The following EPHA6 variants were observed in gnomAD, a reference collection of about 807,000 sequenced individuals.
EPHA6 encodes the protein ephrin type-A receptor 6.
Under a neutral mutation model 112.0 loss-of-function variants are expected in EPHA6, and 50 were observed. The observed-to-expected ratio is 0.45, with a 90% CI of 0.36 to 0.56. The LOEUF is 0.56. Ranked by LOEUF, EPHA6 falls within the 20% of genes least tolerant of loss-of-function variation. The pLI is 0.00. For missense variants in EPHA6, 1,280 were observed against 1,417.4 expected, an observed-to-expected ratio of 0.90 and a Z score of 1.56; for synonymous variants, 529 against 490.7, an observed-to-expected ratio of 1.08 and a Z score of -1.03.
At chr3:97,558,066 G>A (rs542780734) in intron 11 of EPHA6, among the ~76,000 whole-genome samples, 17 of 151,936 alleles carry the variant, frequency 1.1e-4, no homozygotes, top group African/African-American at 3.9e-4. Context: ...AAGTAGATCC[G>A]GCAATCAATA....
chr3:97,048,524 G>A (rs2045585352), intron 3 of EPHA6, among the ~76,000 whole-genome samples: 1 of 152,164 alleles, frequency 6.6e-6, no homozygotes, highest in African/African-American at 2.4e-5. Flanking sequence ...GCAGGAGAAT[G>A]TATGATGTAT....
At chr3:97,076,640 A>T (rs1166256066) in intron 3 of EPHA6, among the ~76,000 whole-genome samples, 1 of 152,202 alleles carries the variant, frequency 6.6e-6, no homozygotes, top group African/African-American at 2.4e-5. Flanking sequence ...GCAGCATTGT[A>T]TTGGAAGAGG....
At chr3:97,012,609 A>G (rs12492002) in intron 3 of EPHA6, among the ~76,000 whole-genome samples, 14,985 of 127,668 alleles carry the variant, frequency 0.12, 939 homozygotes, top group Middle Eastern at 0.24. Flanking sequence ...GTGTGTGTGT[A>G]TATATATATA....
Position 97,613,117 on chromosome 3 carries a change from CTT to C in EPHA6, c.2574+2264_2574+2265del, listed in dbSNP as rs200641174. ...ATAGGGTCAATACTTCCATCTTACT[CTT>C]CTTTAATGTTCTTACCCTTCTTTGT... On this transcript the variant is annotated intron_variant, in intron 13 of 17. Transcript: ENST00000389672. Among the ~76,000 whole-genome samples the C allele has an allele frequency of 9.1e-3, 1,385 of 152,100 alleles. 6 individuals are homozygous for C. The highest frequency in any genetic ancestry group is 0.015 in the Non-Finnish European group (1,005 of 67,984).
chr3:97,541,982 G>C (rs529614640), intron 11 of EPHA6, among the ~76,000 whole-genome samples: 7 of 151,884 alleles, frequency 4.6e-5, no homozygotes, highest in Admixed American at 2.0e-4. Flanking sequence ...GAGCCAATCT[G>C]AGTGGCAAAC....
intron 15 of EPHA6, among the ~76,000 whole-genome samples, chr3:97,720,842 T>C (rs1251841726): frequency 6.6e-6 from 1 of 152,234 alleles, no homozygotes. Context: ...CAATGCATTA[T>C]CAATATGTGC....
At chr3:97,429,665 C>T (rs538950059) in intron 6 of EPHA6, among the ~76,000 whole-genome samples, 94 of 152,246 alleles carry the variant, frequency 6.2e-4, no homozygotes, top group African/African-American at 2.1e-3. Context: ...TTACCAATTA[C>T]TTTTTCCTTT....
chr3:97,210,654 C>G (rs2077845675), intron 3 of EPHA6, among the ~76,000 whole-genome samples: 1 of 152,092 alleles, frequency 6.6e-6, no homozygotes, highest in African/African-American at 2.4e-5. Flanking sequence ...TAGAATGGAC[C>G]TCTGTCTAAC....
intron 3 of EPHA6, among the ~76,000 whole-genome samples, chr3:97,179,144 CA>C (rs1559777549): frequency 6.6e-6 from 1 of 151,904 alleles, no homozygotes; most frequent in Non-Finnish European, 1.5e-5. Flanking sequence ...CTGCTTGATC[CA>C]TTCTGCTATT....
At chr3:97,533,726 C>T (rs367629077) in intron 11 of EPHA6, among the ~76,000 whole-genome samples, 5 of 151,996 alleles carry the variant, frequency 3.3e-5, no homozygotes, top group Admixed American at 6.6e-5. Context: ...TTTCCTGGAA[C>T]GAGTCTCTAT....
chr3:97,627,414 C>T (rs1205961823), intron 13 of EPHA6, among the ~76,000 whole-genome samples: 1 of 151,664 alleles, frequency 6.6e-6, no homozygotes, highest in Non-Finnish European at 1.5e-5. Context: ...CTCACTGAAA[C>T]ATGGCATTTG....
chr3:96,972,651 A>G (rs2042361701), intron 2 of EPHA6, among the ~76,000 whole-genome samples: 1 of 152,060 alleles, frequency 6.6e-6, no homozygotes, highest in African/African-American at 2.4e-5. Context: ...CTAGGGTGTG[A>G]CTTCCCTCTC....
intron 14 of EPHA6, among the ~76,000 whole-genome samples, chr3:97,670,535 A>G (rs2030704695): frequency 6.6e-6 from 1 of 152,318 alleles, no homozygotes; most frequent in Non-Finnish European, 1.5e-5. Flanking sequence ...GAATTTATGC[A>G]ATAGAACTAA....
At chr3:97,300,375 G>GAC (rs1231393249) in intron 5 of EPHA6, among the ~76,000 whole-genome samples, 1 of 152,106 alleles carries the variant, frequency 6.6e-6, no homozygotes, top group African/African-American at 2.4e-5. Flanking sequence ...CAGGGTAAAG[G>GAC]ACAGTATCTT....
chr3:97,226,124 A>T, intron 3 of EPHA6, 140 bp from the exon 4 acceptor site: 2 of 576,512 alleles, frequency 3.5e-6, no homozygotes, highest in Non-Finnish European at 5.5e-6. Flanking sequence ...TGTTAATCTT[A>T]ATATAGATGT....
chr3:97,279,173 A>G (rs552483692), intron 5 of EPHA6, among the ~76,000 whole-genome samples: 1 of 152,192 alleles, frequency 6.6e-6, no homozygotes, highest in Non-Finnish European at 1.5e-5. Flanking sequence ...CAGAACATCC[A>G]TTCCTAGTTT....
rs544937332 is a variant in EPHA6 at position 96,818,751 on chromosome 3, A to T, written c.385+3743A>T. Among the ~76,000 whole-genome samples the T allele has an allele frequency of 3.3e-5, 5 of 152,076 alleles. No homozygotes were observed. The East Asian group carries it at 5.8e-4, about 18-fold the overall frequency. On this transcript the variant is annotated intron_variant, in intron 1 of 17. Transcript: ENST00000389672. Reference sequence around the variant, plus strand: ...AAGTAAACATTAAAATGCTGAAAATATTAAAAATTTTGTTAAATTAGGAAC... The same window carrying T: ...AAGTAAACATTAAAATGCTGAAAATTTTAAAAATTTTGTTAAATTAGGAAC...
chr3:96,934,264 C>G (rs546502814), intron 2 of EPHA6, among the ~76,000 whole-genome samples: 3 of 151,858 alleles, frequency 2.0e-5, no homozygotes, highest in African/African-American at 7.2e-5. Context: ...GTAACAATTT[C>G]TATCAGATTT....
At chr3:97,319,667 C>CAAAAAAA (rs1340197693) in intron 5 of EPHA6, among the ~76,000 whole-genome samples, 2 of 54,734 alleles carry the variant, frequency 3.7e-5, no homozygotes, top group African/African-American at 6.2e-5. Flanking sequence ...GAGATTGTCT[C>CAAAAAAA]AAAAAAAAAA....
Sources: allele counts gnomAD v4.1 joint callset (sites outside exome capture counted in the v4.1 genomes callset), GRCh38; gene constraint gnomAD v4.1.1; transcripts MANE v1.5; gene names NCBI Gene and HGNC (gene_info 2026-07-23, HGNC 2026-07-21).